The following CCDC57 variants were observed in gnomAD, a reference collection of about 807,000 sequenced individuals.
CCDC57 encodes the protein coiled-coil domain-containing protein 57.
Under a neutral mutation model 118.9 loss-of-function variants are expected in CCDC57, and 118 were observed. The observed-to-expected ratio is 0.99, with a 90% CI of 0.86 to 1.16. CCDC57 has a LOEUF of 1.16. Ranked by LOEUF, CCDC57 falls within the 50% of genes most tolerant of loss-of-function variation. CCDC57 has a pLI of 0.00. For synonymous variants in CCDC57, 527 were observed against 532.9 expected (o/e 0.99, Z 0.15); for missense variants, 1,300 against 1,320.7 (o/e 0.98, Z 0.24).
At chr17:82,128,683 GAAAT>G in intron 17 of CCDC57, 86 bp from the exon 17 acceptor site, 7 of 1,066,362 alleles carry the variant, frequency 6.6e-6, no homozygotes, top group African/African-American at 3.2e-5. Flanking sequence ...AGATTGGGAA[GAAAT>G]GCCTTCCCAC....
Position 82,101,882 on chromosome 17 carries a change from G to A in CCDC57, c.2900-16C>T, listed in dbSNP as rs7225637. On this transcript the variant is annotated splice_polypyrimidine_tract_variant and intron_variant, in intron 19 of 19. Transcript: ENST00000665763. ...GCTGGGAGCTCTGTCAGGTAAAGAGGAAAAAACAGCATGCATCAGGATGGC... is the reference window on the plus strand; with the variant it reads ...GCTGGGAGCTCTGTCAGGTAAAGAGAAAAAAACAGCATGCATCAGGATGGC... The A allele has an allele frequency of 0.51, 793,856 of 1,543,346 alleles. 212,118 individuals carry two copies. The highest frequency in any genetic ancestry group is 0.59 in the African/African-American group (42,332 of 71,712).
At chr17:82,208,586 G>C (rs947355422) in intron 1 of CCDC57, among the ~76,000 whole-genome samples, 3 of 152,072 alleles carry the variant, frequency 2.0e-5, no homozygotes, top group African/African-American at 7.2e-5. Context: ...CACTTCCTGG[G>C]ACTGGAAGGC....
chr17:82,183,449 T>C (rs2046450766), intron 9 of CCDC57, among the ~76,000 whole-genome samples: 1 of 152,104 alleles, frequency 6.6e-6, no homozygotes, highest in Admixed American at 6.6e-5. Context: ...CCTCCCTAAG[T>C]GCTGGGATTA....
chr17:82,208,922 G>A (rs937204730), intron 1 of CCDC57, among the ~76,000 whole-genome samples: 1 of 152,166 alleles, frequency 6.6e-6, no homozygotes, highest in African/African-American at 2.4e-5. Context: ...AGGATGGAGT[G>A]CAGTGGCACA....
At chr17:82,210,331 TG>T (rs756784279) in intron 1 of CCDC57, among the ~76,000 whole-genome samples, 21 of 152,130 alleles carry the variant, frequency 1.4e-4, no homozygotes, top group Non-Finnish European at 2.6e-4. Flanking sequence ...ACAGTTATTT[TG>T]GGGAAACACT....
At chr17:82,104,526 G>A (rs1168139272) in intron 19 of CCDC57, among the ~76,000 whole-genome samples, 1 of 152,062 alleles carries the variant, frequency 6.6e-6, no homozygotes. Flanking sequence ...ACCATACTTG[G>A]AGGGTTTTTT....
intron 15 of CCDC57, chr17:82,152,036 C>T (rs982914615): frequency 6.1e-6 from 3 of 492,766 alleles, no homozygotes; most frequent in Admixed American, 7.4e-5. Context: ...CCCTCACAGC[C>T]CTCCGCCTCC....
rs372516791 is a variant in CCDC57, at chr17:82,157,948, C to T, written c.2041G>A (p.Val681Met). 449 of 1,552,344 alleles carry T rather than the reference C, an allele frequency of 2.9e-4. No homozygotes were observed. Among genetic ancestry groups the T allele is most frequent in the Admixed American group, 5.4e-4 (28 of 51,452 alleles). ...GCCGGCTCCAGGGGTTCCCGCAGCA[C>T]CTAGGGGTCATTTCAAAGGCAGTGT... The change falls in exon 15 of 20, where the codon GTG (valine) becomes ATG (methionine). Residue 681 changes from valine (V) to methionine (M), a missense_variant and splice_region_variant. Physicochemically the swap from Val to Met is conservative, Grantham distance 21. Transcript: ENST00000665763.
chr17:82,196,227 T>C (rs2048285674), intron 4 of CCDC57, among the ~76,000 whole-genome samples: 2 of 152,258 alleles, frequency 1.3e-5, no homozygotes, highest in Admixed American at 6.5e-5. Context: ...GAAGTGACTT[T>C]GGAGCCACTT....
At chr17:82,200,650 G>A (rs954122742) in intron 3 of CCDC57, among the ~76,000 whole-genome samples, 8 of 152,028 alleles carry the variant, frequency 5.3e-5, no homozygotes, top group South Asian at 2.1e-4. Context: ...AAAATTAGCC[G>A]GGCGTGGTGG....
chr17:82,106,750 T>C (rs998540074), intron 19 of CCDC57, among the ~76,000 whole-genome samples: 1 of 152,118 alleles, frequency 6.6e-6, no homozygotes, highest in African/African-American at 2.4e-5. Flanking sequence ...CCTGGGCTGG[T>C]GTTTAGACGA....
At chr17:82,128,750 C>T in intron 17 of CCDC57, 153 bp from the exon 17 acceptor site, 1 of 639,534 alleles carries the variant, frequency 1.6e-6, no homozygotes, top group Non-Finnish European at 2.7e-6. Flanking sequence ...ACTGAAGGGA[C>T]CTGTTTCCCA....
intron 19 of CCDC57, among the ~76,000 whole-genome samples, chr17:82,124,542 C>T (rs2037159322): frequency 6.6e-6 from 1 of 152,122 alleles, no homozygotes; most frequent in Admixed American, 6.5e-5. Flanking sequence ...CCCGTAATCC[C>T]AGCACTTTGA....
At position 82,192,110 on chromosome 17, in the gene CCDC57, C is replaced by G. The variant is rs1184555946; in HGVS notation, c.851+1646G>C. Among the ~76,000 whole-genome samples the G allele has an allele frequency of 1.3e-5, 2 of 152,066 alleles. No homozygotes were observed. The highest frequency in any genetic ancestry group is 3.9e-4 in the East Asian group (2 of 5,168). Reference sequence around the variant, plus strand: ...AAGTGATTCCCCTGCCTCAGCCTGCCAAGTAGCTGGGATTACAGGCGTGCA... The same window carrying G: ...AAGTGATTCCCCTGCCTCAGCCTGCGAAGTAGCTGGGATTACAGGCGTGCA... On this transcript the variant is annotated intron_variant, in intron 7 of 19. Coordinates refer to ENST00000665763, the Ensembl canonical transcript of CCDC57. This position sits in a 1 kb window ranked among gnomAD's most constrained non-coding sequence, Gnocchi z 4.0.
At chr17:82,139,206 T>C (rs1289943610) in intron 16 of CCDC57, among the ~76,000 whole-genome samples, 1 of 152,212 alleles carries the variant, frequency 6.6e-6, no homozygotes, top group Non-Finnish European at 1.5e-5. Flanking sequence ...GAACTCTTTT[T>C]TGGACTCTGT....
rs1448518009 is a variant in CCDC57 at position 82,172,398 on chromosome 17, G to A, written c.1729+240C>T. On this transcript the variant is annotated intron_variant, in intron 12 of 19. Coordinates refer to ENST00000665763, the Ensembl canonical transcript of CCDC57. The surrounding 1 kb of genome is among the most constrained non-coding windows in gnomAD (Gnocchi z 5.2). ...AACAGGTTTTTAAGTGTGTCAAGCA[G>A]GTACCCTCATTTTTTCCTTCCACTT... Among the ~76,000 whole-genome samples, 2 of 152,174 alleles carry A rather than the reference G, an allele frequency of 1.3e-5. No individual in the cohort carries two copies. The highest frequency in any genetic ancestry group is 2.9e-5 in the Non-Finnish European group (2 of 68,036).
chr17:82,208,909 C>T (rs2049973407), intron 1 of CCDC57, among the ~76,000 whole-genome samples: 2 of 152,114 alleles, frequency 1.3e-5, no homozygotes, highest in African/African-American at 4.8e-5. Context: ...CAGTCTGTCA[C>T]CCAGGATGGA....
At chr17:82,129,598 C>T (rs377766927) in intron 17 of CCDC57, among the ~76,000 whole-genome samples, 29 of 152,282 alleles carry the variant, frequency 1.9e-4, no homozygotes, top group African/African-American at 6.0e-4. Context: ...CCAGTGATCA[C>T]GGGCACAGCC....
Position 82,189,837 on chromosome 17 carries a change from C to G in CCDC57, c.852-1418G>C, listed in dbSNP as rs147667240. Among the ~76,000 whole-genome samples the G allele has an allele frequency of 9.4e-3, 1,417 of 151,534 alleles. 15 individuals carry two copies. Among genetic ancestry groups the G allele is most frequent in the African/African-American group, 0.033 (1,359 of 41,254 alleles). On this transcript the variant is annotated intron_variant, in intron 7 of 19. Coordinates refer to ENST00000665763, the Ensembl canonical transcript of CCDC57. ...CACCAGCCTGATCAACATGGAGAAA[C>G]TGTCTCTACTAAAAATACAAAAATT...
Sources: allele counts gnomAD v4.1 joint callset (sites outside exome capture counted in the v4.1 genomes callset), GRCh38; gene constraint gnomAD v4.1.1; non-coding constraint Gnocchi (gnomAD v3.1); transcripts MANE v1.5; gene names NCBI Gene and HGNC (gene_info 2026-07-23, HGNC 2026-07-21).